The following GRID1 variants were observed in gnomAD, a reference collection of about 807,000 sequenced individuals.
GRID1 encodes the protein glutamate receptor ionotropic, delta-1.
GRID1 carries 28 observed loss-of-function variants against 98.0 expected under a neutral mutation model. The observed-to-expected ratio is 0.29, with a 90% CI of 0.21 to 0.39. GRID1 has a LOEUF of 0.39. GRID1 is among the 10% of genes least tolerant of loss of function. The pLI, the probability that GRID1 is intolerant of heterozygous loss-of-function variation, is 1.00. For missense variants in GRID1, 1,111 were observed against 1,340.5 expected (o/e 0.83, Z 2.67); for synonymous variants, 553 against 538.5 (o/e 1.03, Z -0.37).
chr10:85,620,531 G>T (rs1842846420), intron 13 of GRID1, among the ~76,000 whole-genome samples: 1 of 152,180 alleles, frequency 6.6e-6, no homozygotes, highest in Non-Finnish European at 1.5e-5. Flanking sequence ...GGGTGAATGT[G>T]GAAAATAGCC....
intron 8 of GRID1, among the ~76,000 whole-genome samples, chr10:85,850,143 T>G (rs1843044502): frequency 1.3e-5 from 2 of 152,134 alleles, no homozygotes. Flanking sequence ...TCAAAGGGCC[T>G]GCGAGCAGTT....
At chr10:85,633,779 A>G (rs1843002040) in intron 13 of GRID1, among the ~76,000 whole-genome samples, 1 of 152,236 alleles carries the variant, frequency 6.6e-6, no homozygotes, top group South Asian at 2.1e-4. Flanking sequence ...ATTCTGACCA[A>G]AAAGATACAA....
chr10:85,681,214 TC>T (rs894259088), intron 12 of GRID1, among the ~76,000 whole-genome samples: 2 of 151,640 alleles, frequency 1.3e-5, no homozygotes, highest in African/African-American at 4.9e-5. Context: ...TCAAGTTGGC[TC>T]CCCCCATGAG....
chr10:85,792,985 G>C (rs1842494690), intron 8 of GRID1, among the ~76,000 whole-genome samples: 1 of 152,136 alleles, frequency 6.6e-6, no homozygotes, highest in South Asian at 2.1e-4. Flanking sequence ...ACCTGCTTCA[G>C]GGCTCTGCCA....
rs1490718007 is a variant in GRID1 at position 85,697,961 on chromosome 10, T to C, written c.1997+25042A>G. Among the ~76,000 whole-genome samples the C allele has an allele frequency of 4.6e-5, 7 of 152,292 alleles. No homozygotes were observed. In the South Asian group the frequency reaches 1.5e-3, roughly 32 times the overall value. ...AATAGCAAGGATTTACAGTACCCAC[T>C]AACTTGCAAAGAGTCATTCAGATTG... On this transcript the variant is annotated intron_variant, in intron 12 of 15. Transcript: ENST00000327946.
At chr10:86,034,835 G>A (rs544447239) in intron 4 of GRID1, among the ~76,000 whole-genome samples, 2 of 151,886 alleles carry the variant, frequency 1.3e-5, no homozygotes, top group East Asian at 3.9e-4. Context: ...ACTGATGAAT[G>A]GATGCAATGA....
chr10:85,765,135 T>G (rs1355405865), intron 8 of GRID1, among the ~76,000 whole-genome samples: 1 of 152,208 alleles, frequency 6.6e-6, no homozygotes, highest in South Asian at 2.1e-4. Context: ...ATCTCAATTT[T>G]CAAGCAGATG....
intron 4 of GRID1, among the ~76,000 whole-genome samples, chr10:86,054,676 C>CT (rs1195826150): frequency 6.6e-6 from 1 of 152,208 alleles, no homozygotes; most frequent in Non-Finnish European, 1.5e-5. Flanking sequence ...TAGCAGCTAT[C>CT]TCTTAATGTG....
chr10:85,674,585 G>A (rs1012212581), intron 12 of GRID1, among the ~76,000 whole-genome samples: 1 of 152,302 alleles, frequency 6.6e-6, no homozygotes, highest in South Asian at 2.1e-4. Context: ...TTTGAAAGAT[G>A]AGGATCTGGA....
At chr10:85,845,126 A>G (rs2131774234) in intron 8 of GRID1, among the ~76,000 whole-genome samples, 1 of 152,052 alleles carries the variant, frequency 6.6e-6, no homozygotes, top group East Asian at 1.9e-4. Flanking sequence ...AAAAAAAAAC[A>G]ATTAGAAATG....
chr10:86,100,602 C>T (rs1445094268), intron 4 of GRID1, among the ~76,000 whole-genome samples: 2 of 152,068 alleles, frequency 1.3e-5, no homozygotes, highest in African/African-American at 2.4e-5. Flanking sequence ...ACAGGTTGGT[C>T]AGAGAAGCCC....
intron 5 of GRID1, among the ~76,000 whole-genome samples, chr10:85,903,929 T>A (rs1841423910): frequency 1.3e-5 from 2 of 152,198 alleles, no homozygotes; most frequent in Admixed American, 1.3e-4. Context: ...GGGCACCCTA[T>A]GTAAAGTGGA....
chr10:85,823,667 G>GA (rs1011984872), intron 8 of GRID1, among the ~76,000 whole-genome samples: 250 of 151,334 alleles, frequency 1.7e-3, no homozygotes, highest in Non-Finnish European at 2.4e-3. Context: ...CTTGAGAAAT[G>GA]AAAAAAAACT....
chr10:86,273,182 G>A (rs540883047), intron 2 of GRID1, among the ~76,000 whole-genome samples: 97 of 151,538 alleles, frequency 6.4e-4, no homozygotes, highest in African/African-American at 2.2e-3. Context: ...TTGCCCTTGC[G>A]ATAGTTTACT....
chr10:86,238,476 GTCTCTACTAAAAATACAACCCCA>G (rs1846575575), intron 2 of GRID1, among the ~76,000 whole-genome samples: 1 of 152,042 alleles, frequency 6.6e-6, no homozygotes, highest in African/African-American at 2.4e-5. Context: ...CCTGCCCCCC[GTCTCTACTAAAAATACAACCCCA>G]TCTCTACTAA....
At chr10:86,219,918 G>A (rs983887010) in intron 2 of GRID1, among the ~76,000 whole-genome samples, 1 of 152,158 alleles carries the variant, frequency 6.6e-6, no homozygotes, top group African/African-American at 2.4e-5. Context: ...CAAAGAGAAT[G>A]GACTTGGCAA....
At chr10:85,602,861 C>T (rs112934595) in intron 15 of GRID1, among the ~76,000 whole-genome samples, 160 bp from the exon 16 acceptor site, 1 of 151,824 alleles carries the variant, frequency 6.6e-6, no homozygotes, top group East Asian at 1.9e-4. Context: ...AATTATATGG[C>T]CAACCCTCAG....
In GRID1 at chr10:86,314,068, C is replaced by T. The variant is rs555391953; in HGVS notation, c.235+49873G>A. ...AGCCTAATGCACTAAAATTAGTTTT[C>T]GGTTTTTCCTGCTTTATCTTTCTTT... On this transcript the variant is annotated intron_variant, in intron 2 of 15. Transcript: ENST00000327946. Among the ~76,000 whole-genome samples the T allele has an allele frequency of 5.9e-5, 9 of 152,328 alleles. No individual in the cohort carries two copies. The East Asian group carries it at 9.6e-4, about 16-fold the overall frequency.
At chr10:86,220,083 G>C (rs1200787062) in intron 2 of GRID1, among the ~76,000 whole-genome samples, 1 of 152,196 alleles carries the variant, frequency 6.6e-6, no homozygotes, top group Non-Finnish European at 1.5e-5. Flanking sequence ...ATAGCCACTG[G>C]CACAAAATAG....
Sources: allele counts gnomAD v4.1 joint callset (sites outside exome capture counted in the v4.1 genomes callset), GRCh38; gene constraint gnomAD v4.1.1; transcripts MANE v1.5; gene names NCBI Gene and HGNC (gene_info 2026-07-23, HGNC 2026-07-21).